The following DPYD variants were observed in gnomAD, a reference collection of about 807,000 sequenced individuals.
DPYD encodes the protein dihydropyrimidine dehydrogenase [NADP(+)].
A neutral mutation model predicts 116.2 loss-of-function variants in DPYD; 109 were observed. That is an observed-to-expected ratio of 0.94 (90% confidence interval 0.80 to 1.10). The LOEUF (loss-of-function observed/expected upper bound fraction) is 1.10, where lower values mean the gene tolerates loss of function less well. DPYD is among the 50% of genes least tolerant of loss of function. The pLI is 0.00. For missense variants in DPYD, 1,302 were observed against 1,254.5 expected, an observed-to-expected ratio of 1.04 and a Z score of -0.57; for synonymous variants, 440 against 432.0, an observed-to-expected ratio of 1.02 and a Z score of -0.23.
At chr1:97,215,045 T>C (rs550178225) in intron 19 of DPYD, among the ~76,000 whole-genome samples, 3 of 152,194 alleles carry the variant, frequency 2.0e-5, no homozygotes, top group Non-Finnish European at 4.4e-5. Context: ...ACTAGCAGAC[T>C]GGATGATGAT....
chr1:97,751,928 A>G (rs191531242), intron 3 of DPYD, among the ~76,000 whole-genome samples: 1 of 151,636 alleles, frequency 6.6e-6, no homozygotes, highest in Non-Finnish European at 1.5e-5. Context: ...ACATCCAGCT[A>G]ATTTTTGTAT....
chr1:97,380,127 G>T (rs1035306611), intron 15 of DPYD, among the ~76,000 whole-genome samples: 3 of 152,138 alleles, frequency 2.0e-5, no homozygotes, highest in African/African-American at 7.2e-5. Flanking sequence ...ATTCAAGATC[G>T]ACTACACTGG....
chr1:97,147,703 A>G (rs1654727702), intron 20 of DPYD, among the ~76,000 whole-genome samples: 2 of 152,174 alleles, frequency 1.3e-5, no homozygotes, highest in Admixed American at 6.5e-5. Flanking sequence ...ATATTTCTCA[A>G]GTTGTATAAA....
intron 11 of DPYD, among the ~76,000 whole-genome samples, chr1:97,550,878 A>G (rs1332673817): frequency 6.6e-6 from 1 of 152,230 alleles, no homozygotes; most frequent in African/African-American, 2.4e-5. Flanking sequence ...TCTGAGTAAA[A>G]TAGAGGAAAA....
chr1:97,509,965 C>G (rs182138991), intron 13 of DPYD, among the ~76,000 whole-genome samples: 20 of 151,956 alleles, frequency 1.3e-4, no homozygotes, highest in African/African-American at 4.1e-4. Context: ...ATGATGATAT[C>G]ACCATGAGTT....
chr1:97,232,625 T>C (rs1354057251), intron 19 of DPYD, among the ~76,000 whole-genome samples: 1 of 152,126 alleles, frequency 6.6e-6, no homozygotes, highest in Non-Finnish European at 1.5e-5. Flanking sequence ...TTGGCCAATT[T>C]CTATTGCCAA....
At chr1:97,238,617 C>T (rs775110583) in intron 18 of DPYD, among the ~76,000 whole-genome samples, 1 of 152,082 alleles carries the variant, frequency 6.6e-6, no homozygotes, top group African/African-American at 2.4e-5. Context: ...CAATTAAAAT[C>T]ATAAAGACTT....
intron 15 of DPYD, among the ~76,000 whole-genome samples, chr1:97,381,949 T>C (rs1671996499): frequency 6.6e-6 from 1 of 152,224 alleles, no homozygotes; most frequent in Admixed American, 6.5e-5. Flanking sequence ...ACTAGAATAG[T>C]ATTAAATGAA....
At chr1:97,100,482 A>G (rs1035748076) in intron 20 of DPYD, among the ~76,000 whole-genome samples, 6 of 152,090 alleles carry the variant, frequency 3.9e-5, no homozygotes, top group African/African-American at 1.4e-4. Flanking sequence ...GTTGAAACAT[A>G]TGACCTCTGG....
At chr1:97,541,480 G>A (rs765670494) in intron 12 of DPYD, among the ~76,000 whole-genome samples, 1 of 152,016 alleles carries the variant, frequency 6.6e-6, no homozygotes, top group Non-Finnish European at 1.5e-5. Context: ...AATGAAAATG[G>A]TAGACAATAT....
At chr1:97,862,175 C>A (rs1186386788) in intron 2 of DPYD, among the ~76,000 whole-genome samples, 1 of 151,710 alleles carries the variant, frequency 6.6e-6, no homozygotes, top group South Asian at 2.1e-4. Context: ...ATAAAATATA[C>A]CAGAGTATAT....
At chr1:97,576,454 T>C (rs1310454463) in intron 10 of DPYD, among the ~76,000 whole-genome samples, 1 of 152,228 alleles carries the variant, frequency 6.6e-6, no homozygotes, top group African/African-American at 2.4e-5. Flanking sequence ...TTAATACCTC[T>C]ACAGTATCTG....
chr1:97,651,091 A>G (rs1658554279), intron 8 of DPYD, among the ~76,000 whole-genome samples: 1 of 152,288 alleles, frequency 6.6e-6, no homozygotes, highest in East Asian at 1.9e-4. Context: ...CCGTTATTTT[A>G]AGTAGCTATA....
intron 14 of DPYD, among the ~76,000 whole-genome samples, chr1:97,432,343 C>T (rs1408688228): frequency 5.3e-5 from 8 of 152,072 alleles, no homozygotes; most frequent in Non-Finnish European, 1.0e-4. Flanking sequence ...TCACTGATTC[C>T]TTCCTCCATC....
intron 9 of DPYD, 103 bp from the exon 10 acceptor site, chr1:97,593,490 A>G (rs939775336): frequency 1.5e-6 from 2 of 1,357,706 alleles, no homozygotes; most frequent in African/African-American, 3.0e-5. Flanking sequence ...TGCATCTTGC[A>G]GTTTTCCAGG....
chr1:97,875,966 T>C (rs1244930694), intron 2 of DPYD, among the ~76,000 whole-genome samples: 1 of 152,060 alleles, frequency 6.6e-6, no homozygotes, highest in African/African-American at 2.4e-5. Context: ...CTTGCAGAAC[T>C]AGTTGAATAC....
At chr1:97,859,700 A>C (rs1244780407) in intron 2 of DPYD, among the ~76,000 whole-genome samples, 1 of 152,138 alleles carries the variant, frequency 6.6e-6, no homozygotes, top group Non-Finnish European at 1.5e-5. Context: ...AACGACAAGG[A>C]TTCCTTTCTC....
chr1:97,707,388 A>C (rs1365334295), intron 5 of DPYD, among the ~76,000 whole-genome samples: 1 of 151,406 alleles, frequency 6.6e-6, no homozygotes, highest in Non-Finnish European at 1.5e-5. Context: ...GGTGCGCTGC[A>C]CCCACTAACT....
intron 16 of DPYD, among the ~76,000 whole-genome samples, chr1:97,313,802 A>G (rs956593557): frequency 1.3e-5 from 2 of 151,852 alleles, no homozygotes; most frequent in African/African-American, 2.4e-5. Context: ...CATTTATCAC[A>G]GTGTTTTATA....
Sources: gnomAD v4.1 joint callset for allele counts (sites outside exome capture counted in the v4.1 genomes callset) on GRCh38, gnomAD v4.1.1 for gene constraint, MANE v1.5 for transcripts, NCBI Gene and HGNC (gene_info 2026-07-23, HGNC 2026-07-21) for gene names.